RSF1: variants seen among roughly 807,000 people sequenced by gnomAD.
RSF1 encodes remodeling and spacing factor 1.
In RSF1, 13 loss-of-function variants were observed where a neutral mutation model predicts 145.2. That is an observed-to-expected ratio of 0.09 (90% CI 0.06 to 0.14). The LOEUF is 0.14. Ranked by LOEUF, RSF1 falls within the 10% of genes least tolerant of loss-of-function variation. The pLI, the probability that RSF1 is intolerant of heterozygous loss-of-function variation, is 1.00. For missense variants in RSF1, 1,517 were observed against 1,718.2 expected, an observed-to-expected ratio of 0.88 and a Z score of 2.07; for synonymous variants, 577 against 592.6, an observed-to-expected ratio of 0.97 and a Z score of 0.38.
rs1176764290 is a variant in RSF1, at chr11:77,799,490, T to C, written c.187+21038A>G. On this transcript the variant is annotated intron_variant, in intron 1 of 15. Transcript: ENST00000308488. Reference sequence around the variant, plus strand: ...ATGCACTTCAGCCTGGGTGACAGAGTGAGACCCTGTCTCCAAAAAAAAAAA... The same window carrying C: ...ATGCACTTCAGCCTGGGTGACAGAGCGAGACCCTGTCTCCAAAAAAAAAAA... Among the ~76,000 whole-genome samples, 9 of 137,556 alleles carry C rather than the reference T, an allele frequency of 6.5e-5. No individual in the cohort carries two copies. The East Asian group carries it at 1.5e-3, about 22-fold the overall frequency. The allele number at this position is 137,556 out of a possible 152,430, so 90.2% of individuals were successfully genotyped here. A position where few individuals can be genotyped will look rare whatever the true frequency, so the allele number is the denominator to read the frequency against.
At chr11:77,767,430 C>T (rs1356809479) in intron 1 of RSF1, among the ~76,000 whole-genome samples, 3 of 152,126 alleles carry the variant, frequency 2.0e-5, no homozygotes, top group Non-Finnish European at 4.4e-5. Flanking sequence ...TTTATGGCTC[C>T]TAAATACCTA....
At chr11:77,804,145 T>C (rs1181103206) in intron 1 of RSF1, among the ~76,000 whole-genome samples, 1 of 152,202 alleles carries the variant, frequency 6.6e-6, no homozygotes, top group African/African-American at 2.4e-5. Context: ...GAAGGTGACA[T>C]GCCCTGATTC....
chr11:77,750,557 T>C (rs1455952136), intron 2 of RSF1, among the ~76,000 whole-genome samples: 1 of 152,252 alleles, frequency 6.6e-6, no homozygotes, highest in Non-Finnish European at 1.5e-5. Flanking sequence ...ATGTGGCTCA[T>C]GAGCTATAAT....
the RSF1 span, among the ~76,000 whole-genome samples, chr11:77,828,448 A>G: frequency 5.3e-5 from 8 of 152,246 alleles, no homozygotes; most frequent in Admixed American, 5.2e-4. Context: ...CAGATGGATC[A>G]CAAGGTCAGG....
intron 1 of RSF1, chr11:77,813,365 T>C: frequency 1.0e-6 from 1 of 984,228 alleles, no homozygotes; most frequent in Non-Finnish European, 1.6e-6. Flanking sequence ...CGGCTCAAAC[T>C]GATGGAAGCA....
intron 1 of RSF1, among the ~76,000 whole-genome samples, chr11:77,797,642 A>G (rs1200001075): frequency 6.6e-6 from 1 of 152,256 alleles, no homozygotes; most frequent in African/African-American, 2.4e-5. Flanking sequence ...CAATGGCAAC[A>G]AAAGCCAAAA....
chr11:77,749,023 G>A (rs188299858), intron 2 of RSF1, among the ~76,000 whole-genome samples: 248 of 152,268 alleles, frequency 1.6e-3, no homozygotes, highest in African/African-American at 5.8e-3. Flanking sequence ...GACAAGGCTT[G>A]AAAACATGTT....
intron 9 of RSF1, among the ~76,000 whole-genome samples, chr11:77,689,126 G>A (rs996479344): frequency 6.6e-6 from 1 of 152,166 alleles, no homozygotes; most frequent in African/African-American, 2.4e-5. Flanking sequence ...CGGGCATCAA[G>A]TCCTATGACA....
At chr11:77,667,857 C>G (rs1959412034) in intron 15 of RSF1, among the ~76,000 whole-genome samples, 1 of 152,098 alleles carries the variant, frequency 6.6e-6, no homozygotes. Flanking sequence ...GCGCCAGCCA[C>G]CACGCCTGGC....
chr11:77,740,504 A>G (rs1394642761), intron 4 of RSF1, among the ~76,000 whole-genome samples: 2 of 152,226 alleles, frequency 1.3e-5, no homozygotes, highest in Non-Finnish European at 2.9e-5. Context: ...TGTATAAGGT[A>G]TGTGTATATA....
chr11:77,694,289 T>G (rs1187710078), intron 7 of RSF1, among the ~76,000 whole-genome samples: 1 of 152,120 alleles, frequency 6.6e-6, no homozygotes, highest in Non-Finnish European at 1.5e-5. Flanking sequence ...CACAAAAAAT[T>G]TCCATTTTAA....
chr11:77,836,809 T>A, the RSF1 span, among the ~76,000 whole-genome samples: 1 of 152,038 alleles, frequency 6.6e-6, no homozygotes, highest in African/African-American at 2.4e-5. Context: ...CTACTAAAAA[T>A]ACAAAATTAG....
chr11:77,822,048 A>G (rs1041486153), upstream of RSF1, among the ~76,000 whole-genome samples: 3 of 152,220 alleles, frequency 2.0e-5, no homozygotes, highest in African/African-American at 2.4e-5. Flanking sequence ...AGGAGTTCCT[A>G]TAATTTAGAC....
At chr11:77,705,050 C>A (rs985570255) in intron 5 of RSF1, among the ~76,000 whole-genome samples, 1 of 151,980 alleles carries the variant, frequency 6.6e-6, no homozygotes, top group African/African-American at 2.4e-5. Context: ...CATGCCTGGC[C>A]GGCTTGGTTC....
chr11:77,748,450 G>C (rs1362218764), intron 2 of RSF1, among the ~76,000 whole-genome samples: 1 of 151,724 alleles, frequency 6.6e-6, no homozygotes, highest in Non-Finnish European at 1.5e-5. Context: ...ACAATGGACA[G>C]TTTAAAGACT....
chr11:77,710,375 A>T (rs1960650346), intron 5 of RSF1, among the ~76,000 whole-genome samples: 1 of 152,112 alleles, frequency 6.6e-6, no homozygotes, highest in Non-Finnish European at 1.5e-5. Flanking sequence ...ATATCTCTTG[A>T]ACTTATTCCT....
intron 7 of RSF1, among the ~76,000 whole-genome samples, chr11:77,695,702 T>A (rs575297986): frequency 2.0e-5 from 3 of 152,300 alleles, no homozygotes; most frequent in Admixed American, 2.0e-4. Context: ...GCTCCTTTAC[T>A]GGATAATGGT....
At chr11:77,847,493 A>G in the RSF1 span, among the ~76,000 whole-genome samples, 1 of 152,230 alleles carries the variant, frequency 6.6e-6, no homozygotes, top group African/African-American at 2.4e-5. Flanking sequence ...ACACCCAGTT[A>G]CCAACCTAGA....
chr11:77,687,783 G>C (rs1459668374), intron 9 of RSF1, among the ~76,000 whole-genome samples: 5 of 152,152 alleles, frequency 3.3e-5, no homozygotes, highest in Admixed American at 3.3e-4. Flanking sequence ...ATTGGAGACA[G>C]TAATATAAAC....
Sources: gnomAD v4.1 joint callset for allele counts (sites outside exome capture counted in the v4.1 genomes callset) on GRCh38, gnomAD v4.1.1 for gene constraint, MANE v1.5 for transcripts, NCBI Gene and HGNC (gene_info 2026-07-23, HGNC 2026-07-21) for gene names.